RBFA: variants seen among roughly 807,000 people sequenced by gnomAD.
RBFA encodes the protein ribosome binding factor A.
A neutral mutation model predicts 27.9 loss-of-function variants in RBFA; 16 were observed. That is an observed-to-expected ratio of 0.57 (90% confidence interval 0.39 to 0.87). RBFA has a LOEUF of 0.87. RBFA is among the 40% of genes least tolerant of loss of function. The pLI is 0.00. For missense variants in RBFA, 456 were observed against 432.1 expected (o/e 1.06, Z -0.49); for synonymous variants, 181 against 181.0 (o/e 1.00, Z 0.00).
chr18:80,041,247 G>C (rs1203400039), intron 4 of RBFA: 1 of 152,172 alleles, frequency 6.6e-6, no homozygotes, highest in African/African-American at 2.4e-5. Context: ...CTGATTTTTA[G>C]GTATCAGAAA....
rs376305172 is a variant in RBFA, at chr18:80,042,664, G to A, written c.576+445G>A. ...CGTGCGCCCGTAGTCTCAGCTGCTC[G>A]GGAGGCTGAGGCAGAAGAATCAGTT... On this transcript the variant is annotated intron_variant, in intron 5 of 6. Coordinates refer to ENST00000306735, the MANE Select transcript of RBFA (RefSeq NM_024805.3). Among the ~76,000 whole-genome samples the A allele has an allele frequency of 1.3e-3, 205 of 152,026 alleles. 1 individual carries two copies. The highest frequency in any genetic ancestry group is 4.8e-3 in the African/African-American group (200 of 41,480).
At chr18:80,043,088 C>A (rs911910868) in intron 5 of RBFA, among the ~76,000 whole-genome samples, 1 of 152,120 alleles carries the variant, frequency 6.6e-6, no homozygotes, top group African/African-American at 2.4e-5. Context: ...CTTTTATTAT[C>A]ATTTTCCTTG....
chr18:80,044,167 G>A (rs1229525154), intron 5 of RBFA, 45 bp from the exon 6 acceptor site: 1 of 1,510,160 alleles, frequency 6.6e-7, no homozygotes. Flanking sequence ...TAAGTATGGT[G>A]GTGGGGATGT....
intron 3 of RBFA, among the ~76,000 whole-genome samples, chr18:80,037,884 A>G (rs7238985): frequency 0.76 from 115,373 of 151,274 alleles, 44,682 homozygotes; most frequent in East Asian, 0.91. Flanking sequence ...GCGAGACTCC[A>G]TCTCAAAAAA....
At position 80,045,952 on chromosome 18, in the gene RBFA, A is replaced by G. The variant is rs1171570230; in HGVS notation, c.829A>G (p.Lys277Glu). The change falls in exon 7 of 7, where the codon AAG becomes GAG. Residue 277 changes from lysine to glutamate, a missense_variant. Transcript: ENST00000306735. ...GGCTGAGCTGACAACGCAGATGAAA[A>G]AGGGAAGGAAGAGGGCCAAGCCCCG... ...QVAELTTQMK[K>E]GRKRAKPRLE... 1 of 1,614,002 alleles carries G rather than the reference A, an allele frequency of 6.2e-7. No homozygotes were observed. Among genetic ancestry groups the G allele is most frequent in the Non-Finnish European group, 8.5e-7 (1 of 1,179,992 alleles).
At chr18:80,039,673 C>T (rs1207546002) in intron 4 of RBFA, among the ~76,000 whole-genome samples, 1 of 152,218 alleles carries the variant, frequency 6.6e-6, no homozygotes, top group Non-Finnish European at 1.5e-5. Context: ...GTACTTGAGA[C>T]TCTTCTGATG....
At position 80,046,034 on chromosome 18, in the gene RBFA, A is replaced by G. The variant is rs866987106; in HGVS notation, c.911A>G (p.Asp304Gly). ...SYLSGEEVED[D>G]LDLVGAPEYE... ...CTGTCAGGCGAGGAGGTTGAAGATG[A>G]CCTGGACCTGGTTGGTGCCCCGGAG... The change falls in exon 7 of 7, where the codon GAC becomes GGC. Residue 304 changes from aspartate to glycine, a missense_variant. Coordinates refer to ENST00000306735, the MANE Select transcript of RBFA (RefSeq NM_024805.3). The G allele has an allele frequency of 6.2e-7, 1 of 1,614,080 alleles. No individual in the cohort carries two copies. Among genetic ancestry groups the G allele is most frequent in the African/African-American group, 1.3e-5 (1 of 75,020 alleles).
rs1277173323 is a variant in RBFA, at chr18:80,037,327, G to T, written c.202-3G>T. 4 of 1,612,834 alleles carry T rather than the reference G, an allele frequency of 2.5e-6. No homozygotes were observed. In the African/African-American group the frequency reaches 4.0e-5, roughly 16 times the overall value. On this transcript the variant is annotated splice_region_variant and splice_polypyrimidine_tract_variant and intron_variant, in intron 2 of 6. Coordinates refer to ENST00000306735, the MANE Select transcript of RBFA (RefSeq NM_024805.3). ...TTGGGGTGTGCTCTTCTTCCTGATG[G>T]AGACTTACAAACCATCCAAGTTGGA...
At position 80,036,614 on chromosome 18, in the gene RBFA, A is replaced by G; in HGVS notation, c.159-54A>G. Reference sequence around the variant, plus strand: ...GTATCATAACCTCTTAAATTAGCTTATGTAACTTTTTGACTTTGCCATCAC... The same window carrying G: ...GTATCATAACCTCTTAAATTAGCTTGTGTAACTTTTTGACTTTGCCATCAC... On this transcript the variant is annotated intron_variant, in intron 1 of 6. Coordinates refer to ENST00000306735, the MANE Select transcript of RBFA (RefSeq NM_024805.3). 4 of 1,337,802 alleles carry G rather than the reference A, an allele frequency of 3.0e-6. No homozygotes were observed. In the Admixed American group the frequency reaches 5.1e-5, roughly 17 times the overall value. 82.9% of individuals were successfully genotyped at this position (1,337,802 alleles called of 1,614,324 possible).
rs575337080 is a variant in RBFA at position 80,043,834 on chromosome 18, C to A, written c.577-378C>A. Among the ~76,000 whole-genome samples, 6 of 152,256 alleles carry A rather than the reference C, an allele frequency of 3.9e-5. No individual in the cohort carries two copies. In the East Asian group the frequency reaches 5.8e-4, roughly 15 times the overall value. On this transcript the variant is annotated intron_variant, in intron 5 of 6. Coordinates refer to ENST00000306735, the MANE Select transcript of RBFA (RefSeq NM_024805.3). ...CCTTGTCTTGTTGGGAGGCTTTTGT[C>A]CCCCAAGGCACACAAATTCTGTGGC...
At position 80,034,742 on chromosome 18, in the gene RBFA, C is replaced by T. The variant is rs1243464682; in HGVS notation, c.158+89C>T. The T allele has an allele frequency of 1.4e-5, 22 of 1,543,354 alleles. No individual in the cohort carries two copies. In the South Asian group the frequency reaches 2.3e-4, roughly 16 times the overall value. ...CGGTGTCCGCTCATCCGCGTTCTTG[C>T]GCCCATGCGGCCTAGCTCGCCAGTT... On this transcript the variant is annotated intron_variant, in intron 1 of 6. Transcript: ENST00000306735.
Position 80,048,970 on chromosome 18 carries a change from G to A in RBFA, c.*2815G>A, listed in dbSNP as rs1318817292. The stretch of plus-strand genomic sequence containing the variant: ...TGCTCAGTGCCTCCTAGAAAGTGGA[G>A]TGTGGGCACGTTTGTAGGGGATCCC... On this transcript the variant is annotated 3_prime_UTR_variant, in exon 7 of 7. Coordinates refer to ENST00000306735, the MANE Select transcript of RBFA (RefSeq NM_024805.3). Among the ~76,000 whole-genome samples the A allele has an allele frequency of 6.8e-6, 1 of 147,778 alleles. No individual in the cohort carries two copies. The highest frequency in any genetic ancestry group is 2.5e-5 in the African/African-American group (1 of 39,816).
chr18:80,038,363 A>G (rs1033661577), intron 3 of RBFA, 142 bp from the exon 4 acceptor site: 14 of 604,996 alleles, frequency 2.3e-5, no homozygotes, highest in African/African-American at 9.3e-5. Context: ...GTGCGGCAGC[A>G]GGAGGTGGCC....
chr18:80,038,424 G>C (rs1268520436), intron 3 of RBFA, 81 bp from the exon 4 acceptor site: 9 of 972,680 alleles, frequency 9.3e-6, no homozygotes, highest in Non-Finnish European at 1.4e-5. Flanking sequence ...GTCTGCAGCT[G>C]TCGTTTTCAT....
At chr18:80,045,715 G>T (rs3744871) in intron 6 of RBFA, 59 bp from the exon 7 acceptor site, 3 of 1,474,324 alleles carry the variant, frequency 2.0e-6, no homozygotes, top group South Asian at 1.6e-5. Flanking sequence ...TTGTGGCGAC[G>T]ACACTGTGGA....
At position 80,037,314 on chromosome 18, in the gene RBFA, C is replaced by A; in HGVS notation, c.202-16C>A. 1 of 1,611,686 alleles carries A rather than the reference C, an allele frequency of 6.2e-7. No individual in the cohort carries two copies. The highest frequency in any genetic ancestry group is 1.1e-5 in the South Asian group (1 of 90,886). ...TGTAACGCTGCCCTTGGGGTGTGCTCTTCTTCCTGATGGAGACTTACAAAC... is the reference window on the plus strand; with the variant it reads ...TGTAACGCTGCCCTTGGGGTGTGCTATTCTTCCTGATGGAGACTTACAAAC... On this transcript the variant is annotated splice_polypyrimidine_tract_variant and intron_variant, in intron 2 of 6. Transcript: ENST00000306735.
chr18:80,044,500 G>A (rs893285046), intron 6 of RBFA, among the ~76,000 whole-genome samples: 1 of 152,224 alleles, frequency 6.6e-6, no homozygotes, highest in Non-Finnish European at 1.5e-5. Flanking sequence ...AGAGGTGCCT[G>A]CCATAACTCC....
rs1329744299 is a variant in RBFA, at chr18:80,044,257, A to G, written c.622A>G (p.Arg208Gly). 4 of 1,614,084 alleles carry G rather than the reference A, an allele frequency of 2.5e-6. No individual in the cohort carries two copies. In the African/African-American group the frequency reaches 5.3e-5, roughly 22 times the overall value. Residue 208 changes from arginine (R) to glycine (G), a missense_variant, in exon 6 of 7, where the codon AGA (arginine) becomes GGA (glycine). Physicochemically the swap from Arg to Gly is moderately radical, Grantham distance 125. Coordinates refer to ENST00000306735, the MANE Select transcript of RBFA (RefSeq NM_024805.3). ...AVADFGPRDERDNFVQNDFRD... is the reference protein window; with the variant it reads ...AVADFGPRDEGDNFVQNDFRD... ...CGCAGACTTTGGACCCCGGGATGAA[A>G]GAGACAACTTTGTACAAAATGATTT...
Position 80,046,319 on chromosome 18 carries a change from C to T in RBFA, c.*164C>T. The T allele has an allele frequency of 1.3e-6, 1 of 782,764 alleles. No individual in the cohort carries two copies. The highest frequency in any genetic ancestry group is 2.0e-6 in the Non-Finnish European group (1 of 498,556). The allele number at this position is 782,764 out of a possible 1,614,324, so 48.5% of individuals were successfully genotyped here. A position where few individuals can be genotyped will look rare whatever the true frequency, so the allele number is the denominator to read the frequency against. ...TCTAAACACAATTTGCTACACAAGT[C>T]ACTGTTTTTTTTTCCATGCACTGTG... On this transcript the variant is annotated 3_prime_UTR_variant, in exon 7 of 7. Transcript: ENST00000306735.
Sources: gnomAD v4.1 joint callset for allele counts (sites outside exome capture counted in the v4.1 genomes callset) on GRCh38, gnomAD v4.1.1 for gene constraint, MANE v1.5 for transcripts, NCBI Gene and HGNC (gene_info 2026-07-23, HGNC 2026-07-21) for gene names.